SYT2: variants seen among roughly 807,000 people sequenced by gnomAD.
The protein encoded by SYT2 is synaptotagmin 2.
Under a neutral mutation model 39.9 loss-of-function variants are expected in SYT2, and 15 were observed. That is an observed-to-expected ratio of 0.38 (90% confidence interval 0.25 to 0.58). SYT2 has a LOEUF of 0.58. Among genes scored for constraint, SYT2 ranks in the 20% least tolerant of loss-of-function variants. SYT2 has a pLI of 0.70. For synonymous variants in SYT2, 181 were observed against 204.5 expected (o/e 0.89, Z 0.98); for missense variants, 389 against 530.3 (o/e 0.73, Z 2.62).
chr1:202,603,238 G>T, intron 3 of SYT2, 120 bp from the exon 4 acceptor site: 1 of 1,381,062 alleles, frequency 7.2e-7, no homozygotes, highest in Non-Finnish European at 9.8e-7. Flanking sequence ...AGCTGTGTGT[G>T]GTGGGAACAC....
chr1:202,604,627 C>T lies in SYT2; in HGVS notation c.179-6G>A. 2 of 1,613,058 alleles carry T rather than the reference C, an allele frequency of 1.2e-6. No homozygotes were observed. Among genetic ancestry groups the T allele is most frequent in the Non-Finnish European group, 1.7e-6 (2 of 1,179,318 alleles). On this transcript the variant is annotated splice_region_variant and splice_polypyrimidine_tract_variant and intron_variant, in intron 2 of 8. Coordinates refer to ENST00000367268, the MANE Select transcript of SYT2 (RefSeq NM_177402.5). The stretch of plus-strand genomic sequence containing the variant: ...GATCAGTGCCCAGGGTGGTACTGCC[C>T]ACACAGAGAAGATCCCAGGGTCAGC...
Position 202,604,473 on chromosome 1 carries a change from C to T in SYT2, c.327G>A (p.Lys109=), listed in dbSNP as rs763624033. ...GCCCTACCTGACCCCCTTTCATGTC[C>T]TTCATGTTCATGGCATTCTTCATGC... ...GKGMKNAMNM[K]DMKGGQDDDD... Residue 109 remains lysine (K), a synonymous_variant, in exon 3 of 9, where the codon AAG becomes AAA. Transcript: ENST00000367268. 5 of 1,614,210 alleles carry T rather than the reference C, an allele frequency of 3.1e-6. No homozygotes were observed. The East Asian group carries it at 8.9e-5, about 29-fold the overall frequency.
intron 1 of SYT2, among the ~76,000 whole-genome samples, chr1:202,642,890 G>A (rs754706396): frequency 1.5e-4 from 23 of 152,232 alleles, no homozygotes; most frequent in Non-Finnish European, 1.3e-4. Flanking sequence ...AGTCGCCTTC[G>A]CTTCACCGCA....
chr1:202,691,729 GGGGGAGAGAGAGAGAGAGAGAGA>G (rs1653834421), intron 1 of SYT2, among the ~76,000 whole-genome samples: 1 of 23,460 alleles, frequency 4.3e-5, no homozygotes, highest in African/African-American at 9.7e-5. Context: ...GAGGGAGAGG[GGGGGAGAGAGAGAGAGAGAGAGA>G]GAGAGAGAGA....
chr1:202,693,922 G>A (rs1326492449), intron 1 of SYT2, among the ~76,000 whole-genome samples: 2 of 152,238 alleles, frequency 1.3e-5, no homozygotes, highest in Non-Finnish European at 2.9e-5. Flanking sequence ...CAATCATGGT[G>A]AAAGGTGGAA....
At chr1:202,698,820 G>A (rs1257309720) in intron 1 of SYT2, among the ~76,000 whole-genome samples, 1 of 152,072 alleles carries the variant, frequency 6.6e-6, no homozygotes, top group Non-Finnish European at 1.5e-5. Context: ...TTACTTCCTA[G>A]AGATTGTACT....
chr1:202,599,073 A>C lies in SYT2; in HGVS notation c.1053+145T>G. On this transcript the variant is annotated intron_variant, in intron 8 of 8. Transcript: ENST00000367268. This position sits in a 1 kb window ranked among gnomAD's most constrained non-coding sequence, Gnocchi z 4.4. Reference sequence around the variant, plus strand: ...CTGAAGCACTTGGGAAGGAGGCCCCACCCAGGCACCATTAGACCTCGAGCC... The same window carrying C: ...CTGAAGCACTTGGGAAGGAGGCCCCCCCCAGGCACCATTAGACCTCGAGCC... 1 of 1,100,924 alleles carries C rather than the reference A, an allele frequency of 9.1e-7. No homozygotes were observed. The highest frequency in any genetic ancestry group is 1.5e-5 in the South Asian group (1 of 65,420). 68.2% of individuals were successfully genotyped at this position (1,100,924 alleles called of 1,614,324 possible). A position where few individuals can be genotyped will look rare whatever the true frequency, so the allele number is the denominator to read the frequency against.
chr1:202,596,633 C>A lies in SYT2; in HGVS notation c.*124G>T. The A allele has an allele frequency of 1.0e-6, 1 of 952,448 alleles. No homozygotes were observed. The highest frequency in any genetic ancestry group is 2.7e-5 in the East Asian group (1 of 37,320). 59.0% of individuals were successfully genotyped at this position (952,448 alleles called of 1,614,324 possible). A position where few individuals can be genotyped will look rare whatever the true frequency, so the allele number is the denominator to read the frequency against. Reference sequence around the variant, plus strand: ...TTAAAAAGAGAAAAACAAGGAAAAACAAGGACACAACCACCCAACAAATGA... The same window carrying A: ...TTAAAAAGAGAAAAACAAGGAAAAAAAAGGACACAACCACCCAACAAATGA... On this transcript the variant is annotated 3_prime_UTR_variant, in exon 9 of 9. Coordinates refer to ENST00000367268, the MANE Select transcript of SYT2 (RefSeq NM_177402.5).
intron 1 of SYT2, among the ~76,000 whole-genome samples, chr1:202,693,513 G>A (rs1169904617): frequency 2.0e-5 from 3 of 152,216 alleles, no homozygotes; most frequent in African/African-American, 4.8e-5. Flanking sequence ...GACTGAAACA[G>A]CCAAAGGGGA....
rs947004064 is a variant in SYT2, at chr1:202,591,066, AG to A, written c.*5690del. The A allele has an allele frequency of 6.6e-6, 1 of 152,150 alleles. No individual in the cohort carries two copies. The highest frequency in any genetic ancestry group is 6.5e-5 in the Admixed American group (1 of 15,278). 9.4% of individuals were successfully genotyped at this position (152,150 alleles called of 1,614,324 possible). ...CTCTGCTGTGGGTGTGGAGAGTGGG[AG>A]GGCCCCAGAGAGAGCTGGAGGAAGC... On this transcript the variant is annotated 3_prime_UTR_variant, in exon 9 of 9. Transcript: ENST00000367268.
chr1:202,625,084 G>GAT (rs1691343384), intron 1 of SYT2, among the ~76,000 whole-genome samples: 3 of 152,114 alleles, frequency 2.0e-5, no homozygotes, highest in African/African-American at 2.4e-5. Context: ...GTGTGTGTGT[G>GAT]GTTTGTGTGT....
At chr1:202,681,426 G>C (rs1653522727) in intron 1 of SYT2, among the ~76,000 whole-genome samples, 1 of 152,202 alleles carries the variant, frequency 6.6e-6, no homozygotes, top group African/African-American at 2.4e-5. Flanking sequence ...CCAGAGCAGG[G>C]TCCTTAACTT....
At chr1:202,681,225 G>A (rs956658655) in intron 1 of SYT2, among the ~76,000 whole-genome samples, 7 of 151,954 alleles carry the variant, frequency 4.6e-5, no homozygotes, top group Non-Finnish European at 7.4e-5. Flanking sequence ...CCTAGGAGCC[G>A]CCCCTCCCAC....
intron 1 of SYT2, among the ~76,000 whole-genome samples, chr1:202,689,279 C>T (rs936647704): frequency 6.6e-6 from 1 of 152,130 alleles, no homozygotes; most frequent in South Asian, 2.1e-4. Context: ...CTCAGATCCT[C>T]CCTCAACACA....
At chr1:202,674,546 T>C (rs1050537354) in intron 1 of SYT2, among the ~76,000 whole-genome samples, 2 of 152,218 alleles carry the variant, frequency 1.3e-5, no homozygotes, top group African/African-American at 2.4e-5. Context: ...CTTTGATAAA[T>C]GGCTGCAAGT....
intron 1 of SYT2, among the ~76,000 whole-genome samples, chr1:202,693,651 A>G (rs561434488): frequency 6.6e-6 from 1 of 152,266 alleles, no homozygotes; most frequent in South Asian, 2.1e-4. Flanking sequence ...TCAAGGTCAT[A>G]CCTCCAAAGT....
At chr1:202,646,328 C>CA in intron 1 of SYT2, among the ~76,000 whole-genome samples, 1 of 152,216 alleles carries the variant, frequency 6.6e-6, no homozygotes. Context: ...CTCCACACCC[C>CA]ACTGCACCAG....
chr1:202,687,771 A>T (rs2149115645), intron 1 of SYT2, among the ~76,000 whole-genome samples: 1 of 152,262 alleles, frequency 6.6e-6, no homozygotes, highest in Non-Finnish European at 1.5e-5. Context: ...ATTCTGCAAA[A>T]AAAAGCCTTG....
rs187811595 is a variant in SYT2 at position 202,598,143 on chromosome 1, T to C, written c.1053+1075A>G. On this transcript the variant is annotated intron_variant, in intron 8 of 8. Transcript: ENST00000367268. ...AGCCTACCACTTAGGAAATGCTCAG[T>C]AAAGTATGTTGGATAAATGAGAAAG... Among the ~76,000 whole-genome samples, 282 of 152,204 alleles carry C rather than the reference T, an allele frequency of 1.9e-3. 2 individuals are homozygous for C. Among genetic ancestry groups the C allele is most frequent in the African/African-American group, 6.7e-3 (276 of 41,502 alleles).
Sources: gnomAD v4.1 joint callset for allele counts (sites outside exome capture counted in the v4.1 genomes callset) on GRCh38, gnomAD v4.1.1 for gene constraint, Gnocchi (gnomAD v3.1) non-coding constraint, MANE v1.5 for transcripts, NCBI Gene and HGNC (gene_info 2026-07-23, HGNC 2026-07-21) for gene names.